RYR2: variants seen among roughly 807,000 people sequenced by gnomAD.
RYR2 encodes cardiac muscle ryanodine receptor-calcium release channel.
RYR2 carries 227 observed loss-of-function variants against 601.1 expected under a neutral mutation model. That is an observed-to-expected ratio of 0.38 (90% CI 0.34 to 0.42). The LOEUF is 0.42. Ranked by LOEUF, RYR2 falls within the 10% of genes least tolerant of loss-of-function variation. RYR2 has a pLI of 1.00. For synonymous variants in RYR2, 2,223 were observed against 2,175.1 expected (o/e 1.02, Z -0.61); for missense variants, 4,646 against 6,156.5 (o/e 0.75, Z 8.21).
At chr1:237,493,470 T>A (rs1283550944) in intron 19 of RYR2, among the ~76,000 whole-genome samples, 1 of 152,146 alleles carries the variant, frequency 6.6e-6, no homozygotes, top group Non-Finnish European at 1.5e-5. Flanking sequence ...TCTTTTTTTT[T>A]AAGACAGAGT....
intron 35 of RYR2, among the ~76,000 whole-genome samples, chr1:237,607,957 A>T (rs1209950302): frequency 1.3e-5 from 2 of 152,244 alleles, no homozygotes; most frequent in Admixed American, 6.5e-5. Flanking sequence ...TACATGGTAT[A>T]CAGCAAATTT....
intron 48 of RYR2, among the ~76,000 whole-genome samples, chr1:237,645,934 T>G (rs12078038): frequency 0.031 from 4,649 of 150,414 alleles, 213 homozygotes; most frequent in African/African-American, 0.11. Flanking sequence ...TGGAATGCAG[T>G]GGCGCAGTCT....
At position 237,792,201 on chromosome 1, in the gene RYR2, A is replaced by G; in HGVS notation, c.13660A>G (p.Ile4554Val). ...VTSLDSSSHRIIAVHYVLEES... is the reference protein window; with the variant it reads ...VTSLDSSSHRVIAVHYVLEES... ...AAGCCTGGACAGCAGCTCCCATAGA[A>G]TCATCGCAGTTCACTATGTACTAGA... The change falls in exon 94 of 105, where the codon ATC (isoleucine) becomes GTC (valine). Residue 4554 changes from isoleucine to valine, a missense_variant. Physicochemically the swap from Ile to Val is conservative, Grantham distance 29. This residue lies in a region of RYR2 where 364 missense variants were observed against 442.9 expected (regional missense o/e 0.82). Coordinates refer to ENST00000366574, the MANE Select transcript of RYR2 (RefSeq NM_001035.3). The G allele has an allele frequency of 6.2e-7, 1 of 1,613,748 alleles. No homozygotes were observed. The highest frequency in any genetic ancestry group is 1.1e-5 in the South Asian group (1 of 91,032).
chr1:237,472,417 T>G (rs1300548070), intron 17 of RYR2, among the ~76,000 whole-genome samples: 2 of 152,180 alleles, frequency 1.3e-5, no homozygotes, highest in African/African-American at 4.8e-5. Context: ...AGGTCCCCAG[T>G]GCCTTGGTTG....
intron 102 of RYR2, among the ~76,000 whole-genome samples, chr1:237,829,773 T>C (rs961686445): frequency 1.3e-5 from 2 of 152,190 alleles, no homozygotes; most frequent in Non-Finnish European, 2.9e-5. Flanking sequence ...AGCTTACAAC[T>C]GGCAGGGAAG....
intron 1 of RYR2, among the ~76,000 whole-genome samples, chr1:237,194,462 T>C (rs1036305540): frequency 6.6e-6 from 1 of 151,942 alleles, no homozygotes; most frequent in Admixed American, 6.6e-5. Context: ...TATTGAGCAG[T>C]GGTGGCAAGT....
In RYR2 at chr1:237,784,562, T is replaced by A. The variant is rs1207118688; in HGVS notation, c.12850T>A (p.Phe4284Ile). The part of the protein sequence containing the change: ...MTVKDMVTAF[F>I]SSYWSIFMTL... ...CGTGAAGGACATGGTCACGGCCTTCTTTTCATCCTACTGGAGTATTTTCAT... is the reference window on the plus strand; with the variant it reads ...CGTGAAGGACATGGTCACGGCCTTCATTTCATCCTACTGGAGTATTTTCAT... Residue 4284 changes from phenylalanine (F) to isoleucine (I), a missense_variant, in exon 90 of 105, where the codon TTT becomes ATT. Around this residue, in one of 17 missense-constraint regions of RYR2, gnomAD observed 364 missense variants for 442.9 expected, o/e 0.82. Transcript: ENST00000366574. The surrounding 1 kb of genome is among the most constrained non-coding windows in gnomAD (Gnocchi z 7.1). 1 of 1,613,810 alleles carries A rather than the reference T, an allele frequency of 6.2e-7. No homozygotes were observed. The highest frequency in any genetic ancestry group is 8.5e-7 in the Non-Finnish European group (1 of 1,179,870).
chr1:237,452,506 A>C (rs2127150), intron 14 of RYR2, among the ~76,000 whole-genome samples: 74,621 of 144,110 alleles, frequency 0.52, 20,723 homozygotes, highest in East Asian at 0.74. Context: ...AATGTATAAC[A>C]AATATATAAT....
chr1:237,577,987 G>C (rs1346374726), intron 29 of RYR2, among the ~76,000 whole-genome samples: 1 of 152,084 alleles, frequency 6.6e-6, no homozygotes, highest in Non-Finnish European at 1.5e-5. Flanking sequence ...ATTTTTAATA[G>C]AGACGGGGTT....
At chr1:237,471,960 G>T (rs1660772965) in intron 17 of RYR2, among the ~76,000 whole-genome samples, 1 of 152,114 alleles carries the variant, frequency 6.6e-6, no homozygotes, top group African/African-American at 2.4e-5. Context: ...AAAAATTATT[G>T]TTACTGCCAA....
chr1:237,733,938 G>A (rs1242664160), intron 79 of RYR2, among the ~76,000 whole-genome samples, 182 bp downstream of exon 79: 1 of 152,086 alleles, frequency 6.6e-6, no homozygotes, highest in Non-Finnish European at 1.5e-5. Flanking sequence ...TATTTATGAG[G>A]AGCCATAACT....
At chr1:237,271,012 G>A (rs1456330182) in intron 2 of RYR2, among the ~76,000 whole-genome samples, 1 of 152,096 alleles carries the variant, frequency 6.6e-6, no homozygotes, top group Non-Finnish European at 1.5e-5. Flanking sequence ...TTAACGAAAA[G>A]TCAAAACTCT....
chr1:237,816,659 A>C (rs896247238), intron 100 of RYR2, among the ~76,000 whole-genome samples: 2 of 151,516 alleles, frequency 1.3e-5, no homozygotes, highest in Non-Finnish European at 2.9e-5. Flanking sequence ...ATTGTACTCT[A>C]GCCTGGGAGA....
chr1:237,338,479 T>TA (rs1697452076), intron 3 of RYR2, among the ~76,000 whole-genome samples: 1 of 152,108 alleles, frequency 6.6e-6, no homozygotes, highest in African/African-American at 2.4e-5. Context: ...CAAAAATAAC[T>TA]AAAAAAATGA....
intron 17 of RYR2, among the ~76,000 whole-genome samples, chr1:237,484,364 A>G (rs889289710): frequency 6.6e-6 from 1 of 152,112 alleles, no homozygotes; most frequent in Non-Finnish European, 1.5e-5. Context: ...AAACAGTACC[A>G]TGGGGGGTGG....
chr1:237,549,679 A>G (rs1189238531), intron 26 of RYR2, among the ~76,000 whole-genome samples: 2 of 138,140 alleles, frequency 1.4e-5, no homozygotes, highest in African/African-American at 2.8e-5. Context: ...ATGTGGTGGG[A>G]ACATCCACAG....
In RYR2 at chr1:237,809,048, C is replaced by T; in HGVS notation, c.14433+13C>T. 1 of 1,608,648 alleles carries T rather than the reference C, an allele frequency of 6.2e-7. No individual in the cohort carries two copies. Among genetic ancestry groups the T allele is most frequent in the Non-Finnish European group, 8.5e-7 (1 of 1,176,478 alleles). ...CGATATGCTAACAGTAAGTTCATAA[C>T]CTTTGATCTCACATAAACAAAAATG... is the stretch of plus-strand genomic sequence containing the variant. On this transcript the variant is annotated intron_variant, in intron 100 of 104. Transcript: ENST00000366574.
intron 1 of RYR2, among the ~76,000 whole-genome samples, chr1:237,196,102 C>T (rs1341073463): frequency 6.6e-6 from 1 of 152,122 alleles, no homozygotes; most frequent in Non-Finnish European, 1.5e-5. Flanking sequence ...TTACAAATGT[C>T]AAGTTAATGG....
intron 29 of RYR2, among the ~76,000 whole-genome samples, chr1:237,584,649 G>GTTTTTTTTTTTTTT (rs61131096): frequency 1.4e-5 from 1 of 72,468 alleles, no homozygotes; most frequent in Non-Finnish European, 2.5e-5. Flanking sequence ...CTCACCACCT[G>GTTTTTTTTTTTTTT]TTTTTTTTTT....
Sources: gnomAD v4.1 joint callset for allele counts (sites outside exome capture counted in the v4.1 genomes callset) on GRCh38, gnomAD v4.1.1 for gene constraint, gnomAD v4.1.1 regional missense constraint, Gnocchi (gnomAD v3.1) non-coding constraint, MANE v1.5 for transcripts, NCBI Gene and HGNC (gene_info 2026-07-23, HGNC 2026-07-21) for gene names.